Variants in SZT2 observed in about 807,000 individuals in gnomAD.
SZT2 encodes the protein KICSTOR complex protein SZT2.
SZT2 carries 216 observed loss-of-function variants against 404.2 expected under a neutral mutation model. The ratio of observed to expected loss-of-function variants is 0.53; its 90% CI spans 0.48 to 0.60. SZT2 has a LOEUF of 0.60. SZT2 is among the 20% of genes least tolerant of loss of function. The probability of loss-of-function intolerance (pLI) is 0.00; values close to 1 mark genes in which losing one functional copy is unlikely to be tolerated. For missense variants in SZT2, 3,857 were observed against 4,459.2 expected (o/e 0.86, Z 3.85); for synonymous variants, 1,693 against 1,749.9 (o/e 0.97, Z 0.81).
At chr1:43,404,810 C>CT in intron 4 of SZT2, 1 of 359,678 alleles carries the variant, frequency 2.8e-6, no homozygotes, top group Non-Finnish European at 5.0e-6. Flanking sequence ...CTGTAAATCT[C>CT]TTTGATTCTG....
Position 43,452,778 on chromosome 1 carries a change from G to T in SZT2, c.*2298G>T. On this transcript the variant is annotated 3_prime_UTR_variant, in exon 72 of 72. Transcript: ENST00000634258. ...TTCCTTCTGAGCCTGTTTGGCCTCT[G>T]CAGGATTTGACATTTGAATCAGCCC... 1.0e-6 allele frequency: 1 copy of T among 993,404 alleles called. No homozygotes were observed. 61.5% of individuals were successfully genotyped at this position (993,404 alleles called of 1,614,324 possible). A position where few individuals can be genotyped will look rare whatever the true frequency, so the allele number is the denominator to read the frequency against.
chr1:43,430,437 C>A, intron 31 of SZT2, 48 bp downstream of exon 31: 1 of 1,602,934 alleles, frequency 6.2e-7, no homozygotes, highest in Admixed American at 1.7e-5. Flanking sequence ...TGCTTCACGC[C>A]GAGATTCAAG....
At position 43,452,669 on chromosome 1, in the gene SZT2, T is replaced by C. The variant is rs886373764; in HGVS notation, c.*2189T>C. The C allele has an allele frequency of 5.0e-6, 3 of 602,796 alleles. No individual in the cohort carries two copies. The highest frequency in any genetic ancestry group is 8.9e-6 in the Non-Finnish European group (3 of 338,678). 37.3% of individuals were successfully genotyped at this position (602,796 alleles called of 1,614,324 possible). On this transcript the variant is annotated 3_prime_UTR_variant, in exon 72 of 72. Coordinates refer to ENST00000634258, the MANE Select transcript of SZT2 (RefSeq NM_001365999.1). ...CTCAGGTATTCCATGCTGCTGTCTCTACTTCCTCTCCTCGCATCTACTTAG... is the reference window on the plus strand; with the variant it reads ...CTCAGGTATTCCATGCTGCTGTCTCCACTTCCTCTCCTCGCATCTACTTAG...
At chr1:43,390,074 C>T in intron 1 of SZT2, 79 bp downstream of exon 1, 1 of 1,358,880 alleles carries the variant, frequency 7.4e-7, no homozygotes. Context: ...CGTTGGCCTC[C>T]TCTAGGTCTG....
intron 4 of SZT2, among the ~76,000 whole-genome samples, chr1:43,407,812 G>A (rs839772): frequency 0.32 from 47,067 of 145,970 alleles, 8,501 homozygotes; most frequent in Middle Eastern, 0.46. Context: ...TCTGGGTATC[G>A]TATTAAATTC....
In SZT2 at chr1:43,434,504, C is replaced by T. The variant is rs1654259080; in HGVS notation, c.5904+19C>T. ...CAACCAGGTAAGGGGCAGGACTCTC[C>T]AGACCCGGACACACAGAGCAGATGA... is the stretch of plus-strand genomic sequence containing the variant. On this transcript the variant is annotated intron_variant, in intron 41 of 71. Coordinates refer to ENST00000634258, the MANE Select transcript of SZT2 (RefSeq NM_001365999.1). 2 of 1,570,778 alleles carry T rather than the reference C, an allele frequency of 1.3e-6. No homozygotes were observed. Among genetic ancestry groups the T allele is most frequent in the African/African-American group, 2.7e-5 (2 of 74,434 alleles).
In SZT2 at chr1:43,423,253, AG is replaced by A; in HGVS notation, c.2194del (p.Ala732ProfsTer35). 6.3e-7 allele frequency: 1 copy of A among 1,582,814 alleles called. No individual in the cohort carries two copies. Among genetic ancestry groups the A allele is most frequent in the Non-Finnish European group, 8.5e-7 (1 of 1,172,050 alleles). On this transcript the variant is annotated frameshift_variant, in exon 15 of 72. Transcript: ENST00000634258. LOFTEE classifies it high-confidence loss of function. ...TCACCCCCCGTGCTGGGGCCACAGC[AG>A]GCCCTGTCTGACCGGCCCTGCCTTG... ...SKSPPVLGPQQALSDRPCLVV... is the reference protein window; with the variant it reads ...SKSPPVLGPQXALSDRPCLVV...
Position 43,453,560 on chromosome 1 carries a change from C to A in SZT2, c.*3080C>A. On this transcript the variant is annotated 3_prime_UTR_variant, in exon 72 of 72. Transcript: ENST00000634258. ...CTCCCCTGCCCGCGCCCCGGCACCC[C>A]CCAGCCCTCCCAGCCCTCCCGGCCC... The A allele has an allele frequency of 6.6e-7, 1 of 1,512,904 alleles. No homozygotes were observed. Among genetic ancestry groups the A allele is most frequent in the East Asian group, 2.5e-5 (1 of 40,402 alleles). 93.7% of individuals were successfully genotyped at this position (1,512,904 alleles called of 1,614,324 possible).
chr1:43,427,218 C>T (rs1653265132), intron 24 of SZT2, 39 bp downstream of exon 24: 1 of 1,609,558 alleles, frequency 6.2e-7, no homozygotes, highest in African/African-American at 1.3e-5. Flanking sequence ...CCCTCAGATA[C>T]AAACCCCTGA....
rs1653721895 is a variant in SZT2 at position 43,430,394 on chromosome 1, G to C, written c.4480+5G>C. The C allele has an allele frequency of 4.4e-6, 7 of 1,606,134 alleles. No individual in the cohort carries two copies. Among genetic ancestry groups the C allele is most frequent in the Non-Finnish European group, 6.0e-6 (7 of 1,175,948 alleles). ...CTGAGCTTATGGGAGAAGAAGGTATGTGGGCAAGTGAGTCAAGGTGGGGAA... is the reference window on the plus strand; with the variant it reads ...CTGAGCTTATGGGAGAAGAAGGTATCTGGGCAAGTGAGTCAAGGTGGGGAA... On this transcript the variant is annotated splice_donor_5th_base_variant and intron_variant, in intron 31 of 71. Transcript: ENST00000634258.
In SZT2 at chr1:43,389,994, A is replaced by C; in HGVS notation, c.26A>C (p.Glu9Ala). 7.2e-7 allele frequency: 1 copy of C among 1,389,200 alleles called. No homozygotes were observed. The highest frequency in any genetic ancestry group is 9.3e-7 in the Non-Finnish European group (1 of 1,075,088). 86.1% of individuals were successfully genotyped at this position (1,389,200 alleles called of 1,614,324 possible). A position where few individuals can be genotyped will look rare whatever the true frequency, so the allele number is the denominator to read the frequency against. The change falls in exon 1 of 72, where the codon GAG becomes GCG. Residue 9 changes from glutamate (E) to alanine (A), a missense_variant and splice_region_variant. Physicochemically the swap from Glu to Ala is moderately radical, Grantham distance 107. Coordinates refer to ENST00000634258, the MANE Select transcript of SZT2 (RefSeq NM_001365999.1). MASERPEPEVEEAGQVFLL... is the reference protein window; with the variant it reads MASERPEPAVEEAGQVFLL... ...ATGGCCTCGGAGCGCCCGGAGCCGG[A>C]GGTGAGGGGCGGGCGGGCGCAGCAC...
intron 1 of SZT2, among the ~76,000 whole-genome samples, chr1:43,391,914 TACTAAAAAAAATACAA>T (rs2153926859): frequency 1.9e-5 from 1 of 52,906 alleles, no homozygotes; most frequent in East Asian, 3.9e-4. Flanking sequence ...ACCCTGTCTC[TACTAAAAAAAATACAA>T]AAAATTAGCT....
chr1:43,453,716 G>C lies in SZT2; in HGVS notation c.*3236G>C. On this transcript the variant is annotated 3_prime_UTR_variant, in exon 72 of 72. Transcript: ENST00000634258. ...CGGCCTCGAAGCCCGAGCTGCCCGC[G>C]GCCCGCACCCGCGCGGGGAGGCCGG... The C allele has an allele frequency of 2.1e-6, 3 of 1,399,172 alleles. No homozygotes were observed. The highest frequency in any genetic ancestry group is 2.8e-6 in the Non-Finnish European group (3 of 1,087,408). 86.7% of individuals were successfully genotyped at this position (1,399,172 alleles called of 1,614,324 possible).
chr1:43,434,314 C>T, intron 40 of SZT2, 72 bp from the exon 41 acceptor site: 2 of 1,309,332 alleles, frequency 1.5e-6, no homozygotes, highest in Non-Finnish European at 1.1e-6. Flanking sequence ...GCAGTTATGT[C>T]ATATACATAT....
chr1:43,402,257 A>T (rs886072068), intron 1 of SZT2, among the ~76,000 whole-genome samples: 9 of 152,202 alleles, frequency 5.9e-5, no homozygotes, highest in African/African-American at 2.2e-4. Context: ...AATGTGACAG[A>T]TAAGCATTAA....
At chr1:43,432,913 A>G in intron 39 of SZT2, 76 bp from the exon 40 acceptor site, 1 of 1,583,558 alleles carries the variant, frequency 6.3e-7, no homozygotes, top group Non-Finnish European at 8.7e-7. Flanking sequence ...AAGTGCATCA[A>G]GCCAGATGCA....
rs191236813 is a variant in SZT2, at chr1:43,393,605, G to A, written c.27+3610G>A. On this transcript the variant is annotated intron_variant, in intron 1 of 71. Coordinates refer to ENST00000634258, the MANE Select transcript of SZT2 (RefSeq NM_001365999.1). ...AAGAAGATTTTAGCCAGTTCAAGAG[G>A]GGAAATAATCCACATTATTTTGTGG... 4.4e-3 allele frequency among the ~76,000 whole-genome samples: 677 copies of A among 152,174 alleles called. 6 individuals are homozygous for A. The highest frequency in any genetic ancestry group is 6.4e-3 in the Non-Finnish European group (432 of 68,018).
Position 43,452,895 on chromosome 1 carries a change from C to CT in SZT2, c.*2416dup. On this transcript the variant is annotated 3_prime_UTR_variant, in exon 72 of 72. Transcript: ENST00000634258. ...TTCCAGGCCTCCCCATCCCAACAGG[C>CT]TACATACATGTCCAGCCTCAGGAAC... 3 of 1,594,858 alleles carry CT rather than the reference C, an allele frequency of 1.9e-6. No homozygotes were observed. The highest frequency in any genetic ancestry group is 2.6e-6 in the Non-Finnish European group (3 of 1,171,620).
intron 1 of SZT2, among the ~76,000 whole-genome samples, chr1:43,398,345 G>A (rs1315416776): frequency 6.6e-6 from 1 of 152,190 alleles, no homozygotes; most frequent in Non-Finnish European, 1.5e-5. Flanking sequence ...CATCCTATGT[G>A]CCAGGCACTG....
Sources: allele counts gnomAD v4.1 joint callset (sites outside exome capture counted in the v4.1 genomes callset), GRCh38; gene constraint gnomAD v4.1.1; transcripts MANE v1.5; gene names NCBI Gene and HGNC (gene_info 2026-07-23, HGNC 2026-07-21).